Variants in SLC22A15 observed in about 807,000 individuals in gnomAD.
The protein encoded by SLC22A15 is flipt 1.
SLC22A15 carries 45 observed loss-of-function variants against 62.7 expected under a neutral mutation model. That is an observed-to-expected ratio of 0.72 (90% CI 0.56 to 0.92). SLC22A15 has a LOEUF of 0.92. SLC22A15 is among the 40% of genes least tolerant of loss of function. The pLI, the probability that SLC22A15 is intolerant of heterozygous loss-of-function variation, is 0.00. For missense variants in SLC22A15, 622 were observed against 665.6 expected (o/e 0.93, Z 0.72); for synonymous variants, 264 against 267.0 (o/e 0.99, Z 0.11).
intron 1 of SLC22A15, among the ~76,000 whole-genome samples, chr1:115,989,952 G>A (rs1655068552): frequency 6.6e-6 from 1 of 152,156 alleles, no homozygotes; most frequent in South Asian, 2.1e-4. Flanking sequence ...GAAGCTCAAA[G>A]GTGAATCAGA....
chr1:115,989,310 C>T (rs1305814918), intron 1 of SLC22A15, among the ~76,000 whole-genome samples: 2 of 152,082 alleles, frequency 1.3e-5, no homozygotes, highest in Non-Finnish European at 2.9e-5. Context: ...TCACTATTCC[C>T]TACATTATGA....
At chr1:116,052,564 G>C (rs957723741) in intron 8 of SLC22A15, among the ~76,000 whole-genome samples, 2 of 152,216 alleles carry the variant, frequency 1.3e-5, no homozygotes, top group Non-Finnish European at 2.9e-5. Flanking sequence ...GGTTCTCCCA[G>C]CACGCAGCTG....
chr1:116,058,996 G>C (rs1279872265), intron 8 of SLC22A15, among the ~76,000 whole-genome samples: 1 of 152,098 alleles, frequency 6.6e-6, no homozygotes, highest in African/African-American at 2.4e-5. Context: ...ACTACAAATA[G>C]GGTGCACTGT....
intron 8 of SLC22A15, among the ~76,000 whole-genome samples, chr1:116,042,490 G>A (rs560857546): frequency 1.3e-5 from 2 of 152,192 alleles, no homozygotes; most frequent in East Asian, 3.9e-4. Flanking sequence ...AAACATCAGT[G>A]AATTGTGGGA....
intron 2 of SLC22A15, among the ~76,000 whole-genome samples, chr1:116,000,471 A>G (rs867599405): frequency 6.6e-6 from 1 of 151,966 alleles, no homozygotes; most frequent in East Asian, 1.9e-4. Context: ...AAGTTGTTCT[A>G]ATTATTATTT....
chr1:116,017,737 A>G (rs1053212154), intron 2 of SLC22A15: 6 of 153,380 alleles, frequency 3.9e-5, no homozygotes, highest in African/African-American at 1.4e-4. Context: ...CTTTATTGCA[A>G]GTTCTCGAGG....
Position 115,992,023 on chromosome 1 carries a change from T to C in SLC22A15, c.88-8T>C, listed in dbSNP as rs778269379. 1.6e-5 allele frequency: 26 copies of C among 1,612,558 alleles called. No individual in the cohort carries two copies. Among genetic ancestry groups the C allele is most frequent in the Non-Finnish European group, 2.2e-5 (26 of 1,179,532 alleles). ...GCAGTGTTTGGTTCTGTGTGTTTGC[T>C]CTTTCAGCTCTACGTGGCCACGGAG... On this transcript the variant is annotated splice_polypyrimidine_tract_variant and splice_region_variant and intron_variant, in intron 1 of 11. Coordinates refer to ENST00000369503, the MANE Select transcript of SLC22A15 (RefSeq NM_018420.3).
rs752131048 is a variant in SLC22A15 at position 116,031,529 on chromosome 1, C to G, written c.892C>G (p.Leu298Val). ...SCRETGSFLD[L>V]FRYRVLLGHT... ...CAGGGAGACTGGAAGTTTCCTGGATCTCTTTCGTTACCGGGTCCTGTTAGG... is the reference window on the plus strand; with the variant it reads ...CAGGGAGACTGGAAGTTTCCTGGATGTCTTTCGTTACCGGGTCCTGTTAGG... Residue 298 changes from leucine to valine, a missense_variant, in exon 6 of 12, where the codon CTC (leucine) becomes GTC (valine). Physicochemically the swap from Leu to Val is conservative, Grantham distance 32 (BLOSUM62 1). Coordinates refer to ENST00000369503, the MANE Select transcript of SLC22A15 (RefSeq NM_018420.3). 6.2e-7 allele frequency: 1 copy of G among 1,613,990 alleles called. No individual in the cohort carries two copies. The highest frequency in any genetic ancestry group is 8.5e-7 in the Non-Finnish European group (1 of 1,179,886).
chr1:116,032,220 C>T (rs1290266912), intron 6 of SLC22A15: 8 of 985,226 alleles, frequency 8.1e-6, no homozygotes, highest in African/African-American at 7.0e-5. Context: ...ATGCTCTCAG[C>T]GTGAGTGTAA....
chr1:115,982,357 C>A (rs1228750242), intron 1 of SLC22A15, among the ~76,000 whole-genome samples: 1 of 152,250 alleles, frequency 6.6e-6, no homozygotes, highest in South Asian at 2.1e-4. Context: ...AAAGCATGCT[C>A]ACATTTTGGT....
At chr1:116,037,871 AT>A (rs1305576466) in intron 8 of SLC22A15, among the ~76,000 whole-genome samples, 1 of 152,194 alleles carries the variant, frequency 6.6e-6, no homozygotes, top group African/African-American at 2.4e-5. Flanking sequence ...GTTGGTGACA[AT>A]GGATAGTCTC....
chr1:116,066,676 G>C lies in SLC22A15; in HGVS notation c.1522G>C (p.Ala508Pro). 2 of 1,612,844 alleles carry C rather than the reference G, an allele frequency of 1.2e-6. No homozygotes were observed. Among genetic ancestry groups the C allele is most frequent in the South Asian group, 1.1e-5 (1 of 90,796 alleles). Residue 508 changes from alanine (A) to proline (P), a missense_variant, in exon 11 of 12, where the codon GCA (alanine) becomes CCA (proline). Ala to Pro is a conservative substitution (Grantham distance 27). Coordinates refer to ENST00000369503, the MANE Select transcript of SLC22A15 (RefSeq NM_018420.3). ...TTCGTATCGCAGGCTGGGAGAAGAA[G>C]CATTATCTTTACAGGCTTTGGACCC... ...VYSYRRLGEE[A>P]LSLQALDPQQ...
intron 2 of SLC22A15, among the ~76,000 whole-genome samples, chr1:115,993,286 A>G (rs1655241864): frequency 6.6e-6 from 1 of 152,060 alleles, no homozygotes; most frequent in South Asian, 2.1e-4. Flanking sequence ...GATCCAGTTA[A>G]TGGGGTAAAT....
intron 8 of SLC22A15, among the ~76,000 whole-genome samples, chr1:116,055,155 T>G (rs527453549): frequency 0.013 from 1,902 of 149,374 alleles, 48 homozygotes; most frequent in African/African-American, 0.042. Flanking sequence ...GATAGACCGC[T>G]AGCAAGACTA....
intron 2 of SLC22A15, among the ~76,000 whole-genome samples, chr1:116,007,470 C>T (rs1282244643): frequency 6.6e-6 from 1 of 152,176 alleles, no homozygotes; most frequent in Non-Finnish European, 1.5e-5. Flanking sequence ...GCATCACTGA[C>T]CCACACAACA....
chr1:116,044,400 A>T (rs1183279600), intron 8 of SLC22A15, among the ~76,000 whole-genome samples: 3 of 152,230 alleles, frequency 2.0e-5, no homozygotes, highest in African/African-American at 7.2e-5. Flanking sequence ...TAACTTGATA[A>T]AGAGTATTAA....
chr1:116,031,963 C>T, intron 6 of SLC22A15: 3 of 1,067,382 alleles, frequency 2.8e-6, no homozygotes, highest in Middle Eastern at 4.5e-4. Flanking sequence ...AAATACTTAC[C>T]TTTGGCACTG....
chr1:116,041,105 G>A (rs754596136), intron 8 of SLC22A15, among the ~76,000 whole-genome samples: 3 of 152,186 alleles, frequency 2.0e-5, no homozygotes, highest in Non-Finnish European at 4.4e-5. Flanking sequence ...TCCTGCCAGA[G>A]AATCTGAACA....
rs1017259447 is a variant in SLC22A15 at position 116,024,240 on chromosome 1, G to C, written c.599-2653G>C. Among the ~76,000 whole-genome samples the C allele has an allele frequency of 1.2e-4, 19 of 152,174 alleles. 1 individual carries two copies. The highest frequency in any genetic ancestry group is 4.3e-4 in the African/African-American group (18 of 41,438). ...CTGAGCTGGATTTTGGTGGGAAAGT[G>C]ACTTGCTAAAGGACCAGTAGAGATG... On this transcript the variant is annotated intron_variant, in intron 4 of 11. Coordinates refer to ENST00000369503, the MANE Select transcript of SLC22A15 (RefSeq NM_018420.3).
Sources: gnomAD v4.1 joint callset for allele counts (sites outside exome capture counted in the v4.1 genomes callset) on GRCh38, gnomAD v4.1.1 for gene constraint, MANE v1.5 for transcripts, NCBI Gene and HGNC (gene_info 2026-07-23, HGNC 2026-07-21) for gene names.